The following CDC73 variants were observed in gnomAD, a reference collection of about 807,000 sequenced individuals.
The protein encoded by CDC73 is parafibromin.
In CDC73, 21 loss-of-function variants were observed where a neutral mutation model predicts 83.7. The ratio of observed to expected loss-of-function variants is 0.25; its 90% CI spans 0.18 to 0.36. The LOEUF is 0.36. Ranked by LOEUF, CDC73 falls within the 10% of genes least tolerant of loss-of-function variation. The pLI is 1.00. For missense variants in CDC73, 342 were observed against 653.3 expected, an observed-to-expected ratio of 0.52 and a Z score of 5.19; for synonymous variants, 224 against 212.9, an observed-to-expected ratio of 1.05 and a Z score of -0.45.
At chr1:193,193,648 A>G (rs1194406561) in intron 10 of CDC73, among the ~76,000 whole-genome samples, 2 of 152,162 alleles carry the variant, frequency 1.3e-5, no homozygotes, top group South Asian at 2.1e-4. Context: ...GCTAATGAAC[A>G]TATTGTATAT....
intron 10 of CDC73, among the ~76,000 whole-genome samples, chr1:193,170,842 T>C (rs1434969396): frequency 6.6e-6 from 1 of 152,190 alleles, no homozygotes. Flanking sequence ...TCCCATCAAG[T>C]AAGTGCTACA....
chr1:193,138,034 C>T (rs1675830932), intron 5 of CDC73, 51 bp from the exon 6 acceptor site: 5 of 1,356,694 alleles, frequency 3.7e-6, no homozygotes, highest in East Asian at 4.6e-5. Flanking sequence ...GTTTTTTCTT[C>T]CTAAAAGTTC....
intron 13 of CDC73, among the ~76,000 whole-genome samples, chr1:193,224,008 C>A (rs927088950): frequency 1.3e-4 from 20 of 151,624 alleles, no homozygotes; most frequent in African/African-American, 4.6e-4. Context: ...TGGAAATATT[C>A]AAATTATTCT....
chr1:193,164,019 C>A (rs925889800), intron 10 of CDC73, among the ~76,000 whole-genome samples: 2 of 152,166 alleles, frequency 1.3e-5, no homozygotes, highest in African/African-American at 4.8e-5. Flanking sequence ...CTCAAGTGAT[C>A]GGTGGCCTCC....
chr1:193,249,978 C>T (rs967104798), intron 16 of CDC73, 107 bp downstream of exon 16: 2 of 995,764 alleles, frequency 2.0e-6, no homozygotes, highest in Non-Finnish European at 3.2e-6. Context: ...TAATTCCCTT[C>T]TTTCAACATT....
rs78569795 is a variant in CDC73, at chr1:193,228,297, A to G, written c.1155-4696A>G. On this transcript the variant is annotated intron_variant, in intron 13 of 16. Coordinates refer to ENST00000367435, the MANE Select transcript of CDC73 (RefSeq NM_024529.5). The stretch of plus-strand genomic sequence containing the variant: ...TTCCTAGTTTCATCAGTTCTGTGAG[A>G]TATGTGCATAGATGGTACTATATAT... Among the ~76,000 whole-genome samples the G allele has an allele frequency of 3.0e-3, 464 of 152,250 alleles. 4 individuals are homozygous for G. Among genetic ancestry groups the G allele is most frequent in the East Asian group, 0.03 (154 of 5,182 alleles).
intron 10 of CDC73, among the ~76,000 whole-genome samples, chr1:193,195,605 A>G (rs1676990215): frequency 6.6e-6 from 1 of 152,144 alleles, no homozygotes; most frequent in African/African-American, 2.4e-5. Context: ...GCCATTTTAT[A>G]TTCCTGCCAG....
intron 15 of CDC73, among the ~76,000 whole-genome samples, chr1:193,240,927 C>T (rs1677846112): frequency 6.6e-6 from 1 of 152,162 alleles, no homozygotes; most frequent in Non-Finnish European, 1.5e-5. Context: ...AGCAGTTCTC[C>T]AGTGTTTTTC....
intron 11 of CDC73, among the ~76,000 whole-genome samples, chr1:193,207,746 G>T (rs1306241500): frequency 1.3e-5 from 2 of 151,960 alleles, no homozygotes; most frequent in Non-Finnish European, 2.9e-5. Context: ...ATTTCATATT[G>T]TTCAAACACA....
chr1:193,231,391 A>G (rs972026222), intron 13 of CDC73, among the ~76,000 whole-genome samples: 4 of 152,202 alleles, frequency 2.6e-5, no homozygotes, highest in Non-Finnish European at 4.4e-5. Context: ...GGCAGGGACT[A>G]TGTTTTGTAC....
intron 1 of CDC73, 92 bp from the exon 2 acceptor site, chr1:193,125,020 T>C (rs1489035540): frequency 1.1e-5 from 8 of 745,836 alleles, no homozygotes; most frequent in African/African-American, 1.7e-5. Flanking sequence ...TTAAACTCAT[T>C]GTTGTTAGCA....
chr1:193,248,405 T>A (rs1677989154), intron 15 of CDC73, among the ~76,000 whole-genome samples: 1 of 152,066 alleles, frequency 6.6e-6, no homozygotes, highest in African/African-American at 2.4e-5. Flanking sequence ...TTCAAGGAGA[T>A]GAATGTTGTT....
intron 9 of CDC73, among the ~76,000 whole-genome samples, chr1:193,150,978 C>G (rs1676095025): frequency 6.6e-6 from 1 of 152,034 alleles, no homozygotes; most frequent in Non-Finnish European, 1.5e-5. Flanking sequence ...AGTCATTTTT[C>G]CCAAGTTATA....
At chr1:193,210,971 C>T (rs114181227) in intron 11 of CDC73, among the ~76,000 whole-genome samples, 2,479 of 152,324 alleles carry the variant, frequency 0.016, 24 homozygotes, top group Non-Finnish European at 0.024. Flanking sequence ...ATTCGCACTT[C>T]GCACAGTAGT....
At chr1:193,236,168 G>A (rs1677754480) in intron 14 of CDC73, 88 bp from the exon 15 acceptor site, 4 of 828,714 alleles carry the variant, frequency 4.8e-6, no homozygotes, top group Non-Finnish European at 8.6e-6. Context: ...TGGGACTGTT[G>A]CCTAAGGGAT....
At position 193,193,867 on chromosome 1, in the gene CDC73, C is replaced by T. The variant is rs185058820; in HGVS notation, c.973-9928C>T. Among the ~76,000 whole-genome samples the T allele has an allele frequency of 4.8e-5, 7 of 146,850 alleles. No homozygotes were observed. In the East Asian group the frequency reaches 1.3e-3, roughly 26 times the overall value. ...GATGGGTTTCAGGTAGTTAAGTATA[C>T]ATACAGATTTGTTTCAGTGTAGCTT... On this transcript the variant is annotated intron_variant, in intron 10 of 16. Transcript: ENST00000367435.
At chr1:193,160,500 T>C (rs572857941) in intron 10 of CDC73, among the ~76,000 whole-genome samples, 10 of 152,144 alleles carry the variant, frequency 6.6e-5, no homozygotes, top group Non-Finnish European at 1.5e-4. Flanking sequence ...GCTGTAGTTA[T>C]AGATGACTTT....
intron 15 of CDC73, among the ~76,000 whole-genome samples, chr1:193,238,726 G>A (rs1404625298): frequency 1.3e-5 from 2 of 152,158 alleles, no homozygotes; most frequent in Admixed American, 1.3e-4. Context: ...ATTGTATACT[G>A]TATTCTTATG....
intron 13 of CDC73, 81 bp from the exon 14 acceptor site, chr1:193,232,912 A>T (rs1053047149): frequency 2.4e-5 from 32 of 1,320,048 alleles, no homozygotes; most frequent in Admixed American, 1.0e-4. Flanking sequence ...CAAAAAAAAA[A>T]AATATTTCAA....
Sources: allele counts gnomAD v4.1 joint callset (sites outside exome capture counted in the v4.1 genomes callset), GRCh38; gene constraint gnomAD v4.1.1; transcripts MANE v1.5; gene names NCBI Gene and HGNC (gene_info 2026-07-23, HGNC 2026-07-21).